ME3: variants seen among roughly 807,000 people sequenced by gnomAD.
The protein encoded by ME3 is NADP-dependent malic enzyme, mitochondrial.
ME3 carries 48 observed loss-of-function variants against 68.9 expected under a neutral mutation model. That is an observed-to-expected ratio of 0.70 (90% CI 0.55 to 0.89). ME3 has a LOEUF of 0.89. Among genes scored for constraint, ME3 ranks in the 40% least tolerant of loss-of-function variants. The pLI is 0.00. For synonymous variants in ME3, 320 were observed against 318.8 expected, an observed-to-expected ratio of 1.00 and a Z score of -0.04; for missense variants, 675 against 797.4, an observed-to-expected ratio of 0.85 and a Z score of 1.85.
At chr11:86,593,604 G>A (rs1594581892) in intron 2 of ME3, among the ~76,000 whole-genome samples, 2 of 146,196 alleles carry the variant, frequency 1.4e-5, no homozygotes, top group East Asian at 4.8e-4. Context: ...GTAATATTAC[G>A]CACAGAAAAG....
rs1266849906 is a variant in ME3 at position 86,446,445 on chromosome 11, T to A, written c.1423A>T (p.Thr475Ser). 4 of 1,613,990 alleles carry A rather than the reference T, an allele frequency of 2.5e-6. No individual in the cohort carries two copies. In the African/African-American group the frequency reaches 5.3e-5, roughly 22 times the overall value. ...ATGAAGGTCTTGCCATCTTCCAGAG[T>A]CACACTCTTAAAAGGACTTCCACTG... Residue 475 changes from threonine (T) to serine (S), a missense_variant, in exon 13 of 15, where the codon ACT becomes TCT. Thr to Ser is a moderately conservative substitution (Grantham distance 58, BLOSUM62 1). Transcript: ENST00000543262.
intron 2 of ME3, among the ~76,000 whole-genome samples, chr11:86,571,385 T>C (rs563842055): frequency 6.6e-6 from 1 of 152,334 alleles, no homozygotes; most frequent in South Asian, 2.1e-4. Flanking sequence ...AGGTGAGCCA[T>C]TCCTATAACT....
intron 2 of ME3, among the ~76,000 whole-genome samples, chr11:86,625,955 A>G (rs931149588): frequency 3.3e-5 from 5 of 152,094 alleles, no homozygotes; most frequent in Non-Finnish European, 2.9e-5. Flanking sequence ...AATCTTGAAA[A>G]CTGCTTAGAA....
intron 6 of ME3, among the ~76,000 whole-genome samples, chr11:86,492,770 A>G (rs1404991921): frequency 1.3e-5 from 2 of 152,248 alleles, no homozygotes; most frequent in East Asian, 3.8e-4. Flanking sequence ...ACAAAATGTC[A>G]TGGAAAAAGA....
intron 4 of ME3, among the ~76,000 whole-genome samples, chr11:86,544,692 G>C (rs1233118736): frequency 6.6e-6 from 1 of 152,136 alleles, no homozygotes; most frequent in Non-Finnish European, 1.5e-5. Flanking sequence ...AAACAGCCCA[G>C]GACCAGACGG....
chr11:86,518,731 G>A (rs904257679), intron 4 of ME3, among the ~76,000 whole-genome samples: 2 of 152,158 alleles, frequency 1.3e-5, no homozygotes, highest in East Asian at 1.9e-4. Flanking sequence ...TTCTAATGTC[G>A]GGTGCCTGTG....
intron 2 of ME3, among the ~76,000 whole-genome samples, chr11:86,622,294 C>T (rs1325013550): frequency 6.6e-6 from 1 of 151,924 alleles, no homozygotes; most frequent in African/African-American, 2.4e-5. Flanking sequence ...TCATTTTACG[C>T]CTCCCTATCA....
intron 7 of ME3, among the ~76,000 whole-genome samples, chr11:86,479,248 A>G (rs961857057): frequency 6.6e-6 from 1 of 152,182 alleles, no homozygotes. Context: ...CAGGATGTGC[A>G]CCAGCGGCCC....
At chr11:86,557,967 G>A (rs1033138385) in intron 3 of ME3, among the ~76,000 whole-genome samples, 2 of 152,020 alleles carry the variant, frequency 1.3e-5, no homozygotes, top group African/African-American at 2.4e-5. Context: ...AGAAGATGGC[G>A]AGTTTTCTTA....
intron 5 of ME3, among the ~76,000 whole-genome samples, chr11:86,504,379 T>TC (rs1952923166): frequency 2.2e-5 from 3 of 135,134 alleles, no homozygotes; most frequent in African/African-American, 8.3e-5. Context: ...CCCTATACAT[T>TC]CTTTTTTTTT....
intron 2 of ME3, among the ~76,000 whole-genome samples, chr11:86,583,567 T>C (rs576782582): frequency 2.6e-5 from 4 of 152,278 alleles, no homozygotes; most frequent in African/African-American, 9.6e-5. Flanking sequence ...AATTAATTAA[T>C]TCATTCGAAG....
At chr11:86,654,547 C>A (rs1435573288) in intron 2 of ME3, among the ~76,000 whole-genome samples, 2 of 152,190 alleles carry the variant, frequency 1.3e-5, no homozygotes, top group Non-Finnish European at 2.9e-5. Flanking sequence ...AATTCAACAA[C>A]CCTTCATGCT....
chr11:86,651,386 T>A (rs1345655477), intron 2 of ME3, among the ~76,000 whole-genome samples: 2 of 152,224 alleles, frequency 1.3e-5, no homozygotes, highest in Non-Finnish European at 2.9e-5. Context: ...GGTACTCCTC[T>A]GAGACAAAAC....
At chr11:86,650,411 G>T (rs901090291) in intron 2 of ME3, among the ~76,000 whole-genome samples, 1 of 152,254 alleles carries the variant, frequency 6.6e-6, no homozygotes, top group African/African-American at 2.4e-5. Context: ...AATACTTCAT[G>T]GCTAAAACAC....
At chr11:86,618,194 G>T (rs2135245622) in intron 2 of ME3, among the ~76,000 whole-genome samples, 1 of 150,368 alleles carries the variant, frequency 6.7e-6, no homozygotes, top group East Asian at 2.0e-4. Flanking sequence ...CAGCTACTTG[G>T]GAGGCTGAGG....
chr11:86,523,176 A>C (rs1015236588), intron 4 of ME3, among the ~76,000 whole-genome samples: 1 of 152,214 alleles, frequency 6.6e-6, no homozygotes, highest in African/African-American at 2.4e-5. Context: ...GCCATATGTA[A>C]AAAGTAAGAA....
intron 9 of ME3, 27 bp from the exon 10 acceptor site, chr11:86,450,029 C>T (rs774033600): frequency 2.6e-6 from 4 of 1,531,842 alleles, no homozygotes; most frequent in African/African-American, 2.8e-5. Context: ...GGTAGATGTT[C>T]AGACACAGGG....
chr11:86,638,592 A>G (rs1944483533), intron 2 of ME3, among the ~76,000 whole-genome samples: 1 of 152,226 alleles, frequency 6.6e-6, no homozygotes, highest in Admixed American at 6.5e-5. Context: ...TCTTACTAAT[A>G]TGATATCATT....
At chr11:86,494,023 G>T (rs943107490) in intron 6 of ME3, among the ~76,000 whole-genome samples, 11 of 151,310 alleles carry the variant, frequency 7.3e-5, no homozygotes, top group Admixed American at 5.3e-4. Context: ...TGGGACTTCT[G>T]GGGGGAATAT....
Sources: gnomAD v4.1 joint callset for allele counts (sites outside exome capture counted in the v4.1 genomes callset) on GRCh38, gnomAD v4.1.1 for gene constraint, MANE v1.5 for transcripts, NCBI Gene and HGNC (gene_info 2026-07-23, HGNC 2026-07-21) for gene names.